Variants in LYPD6 observed in about 807,000 individuals in gnomAD.
The protein encoded by LYPD6 is ly6/PLAUR domain-containing protein 6.
In LYPD6, 15 loss-of-function variants were observed where a neutral mutation model predicts 22.7. The ratio of observed to expected loss-of-function variants is 0.66; its 90% CI spans 0.44 to 1.02. The LOEUF is 1.02. Ranked by LOEUF, LYPD6 falls within the 50% of genes least tolerant of loss-of-function variation. LYPD6 has a pLI of 0.00. For missense variants in LYPD6, 189 were observed against 208.4 expected (o/e 0.91, Z 0.57); for synonymous variants, 72 against 77.5 (o/e 0.93, Z 0.37).
intron 1 of LYPD6, among the ~76,000 whole-genome samples, chr2:149,355,241 G>C (rs567755177): frequency 6.0e-4 from 92 of 152,266 alleles, no homozygotes; most frequent in African/African-American, 2.2e-3. Context: ...AAACTTGCTA[G>C]TGTCAGTAGA....
chr2:149,459,834 G>A (rs559094707), intron 3 of LYPD6, among the ~76,000 whole-genome samples: 18 of 151,796 alleles, frequency 1.2e-4, no homozygotes, highest in South Asian at 2.1e-4. Flanking sequence ...TCTGGGAGGC[G>A]GAGGTTACAG....
intron 1 of LYPD6, among the ~76,000 whole-genome samples, chr2:149,432,254 A>G (rs1265084706): frequency 6.6e-6 from 1 of 152,230 alleles, no homozygotes; most frequent in African/African-American, 2.4e-5. Flanking sequence ...CTGCATATAT[A>G]CCCAAGAAAA....
At chr2:149,416,874 GC>G (rs1682975702) in intron 1 of LYPD6, among the ~76,000 whole-genome samples, 1 of 152,210 alleles carries the variant, frequency 6.6e-6, no homozygotes. Flanking sequence ...GTTCTGTGAG[GC>G]CTGCTGCTTA....
intron 1 of LYPD6, among the ~76,000 whole-genome samples, chr2:149,381,653 A>G (rs1428026530): frequency 6.6e-6 from 1 of 152,220 alleles, no homozygotes; most frequent in African/African-American, 2.4e-5. Context: ...CGAGTGGACT[A>G]ATGTCTAATA....
intron 1 of LYPD6, among the ~76,000 whole-genome samples, chr2:149,407,898 C>T (rs971208093): frequency 7.9e-5 from 12 of 152,160 alleles, no homozygotes; most frequent in African/African-American, 2.4e-4. Flanking sequence ...TGGTGACGTA[C>T]AGATGGGTTT....
At chr2:149,407,207 T>A (rs1682735249) in intron 1 of LYPD6, among the ~76,000 whole-genome samples, 1 of 152,188 alleles carries the variant, frequency 6.6e-6, no homozygotes, top group Non-Finnish European at 1.5e-5. Context: ...GACAATTATG[T>A]GTCTTGGAGT....
At chr2:149,459,649 C>T (rs1169622544) in intron 3 of LYPD6, among the ~76,000 whole-genome samples, 2 of 152,082 alleles carry the variant, frequency 1.3e-5, no homozygotes, top group Non-Finnish European at 2.9e-5. Context: ...TGCCAGTAAT[C>T]CCAGCACTTT....
chr2:149,366,988 G>A (rs1327606707), intron 1 of LYPD6, among the ~76,000 whole-genome samples: 1 of 151,886 alleles, frequency 6.6e-6, no homozygotes, highest in African/African-American at 2.4e-5. Context: ...TTAGTTAAAC[G>A]TTTACATGAT....
intron 1 of LYPD6, among the ~76,000 whole-genome samples, chr2:149,401,229 G>A (rs1682547951): frequency 6.6e-6 from 1 of 152,158 alleles, no homozygotes; most frequent in Non-Finnish European, 1.5e-5. Flanking sequence ...CCATCCAGTG[G>A]TTTCCACTTA....
chr2:149,403,789 A>G (rs1246926699), intron 1 of LYPD6, among the ~76,000 whole-genome samples: 1 of 152,070 alleles, frequency 6.6e-6, no homozygotes, highest in Non-Finnish European at 1.5e-5. Flanking sequence ...TTGGTGTTTT[A>G]GACATGAAGT....
At chr2:149,405,206 G>T (rs1207569792) in intron 1 of LYPD6, among the ~76,000 whole-genome samples, 1 of 151,948 alleles carries the variant, frequency 6.6e-6, no homozygotes, top group African/African-American at 2.4e-5. Flanking sequence ...TTTTTTGGTT[G>T]TGTCTCTGCC....
chr2:149,435,643 G>T (rs1029284556), intron 1 of LYPD6, among the ~76,000 whole-genome samples: 1 of 152,242 alleles, frequency 6.6e-6, no homozygotes, highest in Non-Finnish European at 1.5e-5. Flanking sequence ...ACTTGCAAGG[G>T]AAAGATACTG....
chr2:149,479,510 T>C, the LYPD6 span, among the ~76,000 whole-genome samples: 2 of 152,154 alleles, frequency 1.3e-5, no homozygotes, highest in Non-Finnish European at 2.9e-5. Context: ...AAACCAAATG[T>C]ATCATCCACT....
At position 149,470,968 on chromosome 2, in the gene LYPD6, C is replaced by A; in HGVS notation, c.*118C>A. 2 of 911,674 alleles carry A rather than the reference C, an allele frequency of 2.2e-6. No homozygotes were observed. Among genetic ancestry groups the A allele is most frequent in the Non-Finnish European group, 3.3e-6 (2 of 602,036 alleles). The allele number at this position is 911,674 out of a possible 1,614,324, so 56.5% of individuals were successfully genotyped here. ...TGTGAGACACAACACTCTTGGAGGT[C>A]ATCACAGCCAAGCATTGCCACTTAC... On this transcript the variant is annotated 3_prime_UTR_variant, in exon 5 of 5. Coordinates refer to ENST00000334166, the MANE Select transcript of LYPD6 (RefSeq NM_194317.5).
intron 1 of LYPD6, among the ~76,000 whole-genome samples, chr2:149,348,395 T>C (rs1681299009): frequency 6.6e-6 from 1 of 150,720 alleles, no homozygotes; most frequent in East Asian, 2.0e-4. Context: ...AGTACAGGGG[T>C]GGGTGGGAGG....
At chr2:149,464,639 A>G (rs1276469254) in intron 3 of LYPD6, among the ~76,000 whole-genome samples, 1 of 152,192 alleles carries the variant, frequency 6.6e-6, no homozygotes, top group East Asian at 1.9e-4. Context: ...AGGCCAAATA[A>G]GCCTAGTAAT....
At chr2:149,361,596 C>T (rs1427301255) in intron 1 of LYPD6, among the ~76,000 whole-genome samples, 1 of 152,152 alleles carries the variant, frequency 6.6e-6, no homozygotes, top group African/African-American at 2.4e-5. Flanking sequence ...CTTCTCTAAC[C>T]ATACTGAGTG....
intron 1 of LYPD6, among the ~76,000 whole-genome samples, chr2:149,343,955 T>A (rs1291634211): frequency 6.6e-6 from 1 of 152,198 alleles, no homozygotes; most frequent in Non-Finnish European, 1.5e-5. Context: ...TTAGAACATT[T>A]AGTAACTGAA....
intron 1 of LYPD6, among the ~76,000 whole-genome samples, chr2:149,373,426 A>G (rs866574421): frequency 9.2e-5 from 14 of 152,150 alleles, no homozygotes; most frequent in Non-Finnish European, 7.3e-5. Flanking sequence ...TAGAGTAGGA[A>G]GGAAAGGGGT....
Sources: allele counts gnomAD v4.1 joint callset (sites outside exome capture counted in the v4.1 genomes callset), GRCh38; gene constraint gnomAD v4.1.1; transcripts MANE v1.5; gene names NCBI Gene and HGNC (gene_info 2026-07-23, HGNC 2026-07-21).